SYT14: variants seen among roughly 807,000 people sequenced by gnomAD.
SYT14 encodes synaptotagmin-14.
Under a neutral mutation model 74.2 loss-of-function variants are expected in SYT14, and 32 were observed. The ratio of observed to expected loss-of-function variants is 0.43; its 90% CI spans 0.33 to 0.58. The LOEUF (loss-of-function observed/expected upper bound fraction) is 0.58. Among genes scored for constraint, SYT14 ranks in the 20% least tolerant of loss-of-function variants. The pLI, the probability that SYT14 is intolerant of heterozygous loss-of-function variation, is 0.05. For missense variants in SYT14, 791 were observed against 981.8 expected (o/e 0.81, Z 2.60); for synonymous variants, 298 against 337.7 (o/e 0.88, Z 1.29).
chr1:210,110,980 G>T (rs1261188552), intron 7 of SYT14, among the ~76,000 whole-genome samples: 1 of 152,170 alleles, frequency 6.6e-6, no homozygotes, highest in African/African-American at 2.4e-5. Context: ...CCGACTTCAG[G>T]TGATCTGCCT....
intron 7 of SYT14, among the ~76,000 whole-genome samples, chr1:210,113,664 G>A (rs1355935528): frequency 5.3e-5 from 8 of 150,926 alleles, no homozygotes; most frequent in Non-Finnish European, 7.4e-5. Context: ...GTGGATTAAG[G>A]TGGGGAGATA....
At chr1:210,145,718 T>C (rs1040555777) in intron 7 of SYT14, among the ~76,000 whole-genome samples, 2 of 152,138 alleles carry the variant, frequency 1.3e-5, no homozygotes, top group African/African-American at 4.8e-5. Flanking sequence ...TCCAGACCAG[T>C]TTACATTTAC....
At chr1:210,028,441 C>G (rs2080460349) in intron 5 of SYT14, among the ~76,000 whole-genome samples, 1 of 152,076 alleles carries the variant, frequency 6.6e-6, no homozygotes, top group Admixed American at 6.6e-5. Context: ...CCCCCTTCCC[C>G]CAACCCTGGC....
intron 2 of SYT14, among the ~76,000 whole-genome samples, chr1:209,976,403 G>A (rs1372217811): frequency 2.0e-5 from 3 of 151,262 alleles, no homozygotes; most frequent in Admixed American, 2.0e-4. Context: ...GGTATGTTGT[G>A]TCTTTGTTCT....
At chr1:210,169,775 G>A (rs1182377230) in exon 10 of SYT14, 3 of 151,880 alleles carry the variant, frequency 2.0e-5, no homozygotes, top group Non-Finnish European at 4.4e-5. Flanking sequence ...GAGTTTTAAG[G>A]GTCTTGATAA....
rs573609678 is a variant in SYT14 at position 210,115,297 on chromosome 1, T to C, written c.2034+14836T>C. Among the ~76,000 whole-genome samples the C allele has an allele frequency of 5.0e-4, 74 of 149,388 alleles. No homozygotes were observed. In the South Asian group the frequency reaches 0.016, roughly 32 times the overall value. ...AGGAGGAATGGAGGGTGGAAGGTTG[T>C]CTATAGTGAAGGATGCAAGCCCAGA... On this transcript the variant is annotated intron_variant, in intron 7 of 9. Transcript: ENST00000637265.
At chr1:209,985,374 C>G (rs1254779906) in intron 2 of SYT14, among the ~76,000 whole-genome samples, 1 of 152,262 alleles carries the variant, frequency 6.6e-6, no homozygotes, top group Non-Finnish European at 1.5e-5. Flanking sequence ...CCAAATCAGT[C>G]TCCTCTTTGA....
At chr1:209,992,566 ATTAC>A (rs1203744607) in intron 2 of SYT14, among the ~76,000 whole-genome samples, 4 of 152,180 alleles carry the variant, frequency 2.6e-5, no homozygotes, top group African/African-American at 9.7e-5. Flanking sequence ...GGGATGGGAA[ATTAC>A]TTAATGGGTA....
At chr1:210,138,249 A>G (rs2102660993) in intron 7 of SYT14, among the ~76,000 whole-genome samples, 1 of 152,340 alleles carries the variant, frequency 6.6e-6, no homozygotes, top group South Asian at 2.1e-4. Context: ...GCGACAGGCA[A>G]GAGAGCCTGT....
intron 3 of SYT14, chr1:210,015,579 A>G (rs2080165737): frequency 6.5e-6 from 1 of 153,484 alleles, no homozygotes; most frequent in African/African-American, 2.4e-5. Flanking sequence ...ATGTGAAATG[A>G]TACTGGGTAG....
chr1:209,947,745 T>G (rs2078845301), intron 1 of SYT14, among the ~76,000 whole-genome samples: 1 of 152,236 alleles, frequency 6.6e-6, no homozygotes, highest in African/African-American at 2.4e-5. Context: ...AAAGTTCTAC[T>G]GTGGGTAAAA....
chr1:210,126,204 GAA>G (rs200079122), intron 7 of SYT14, among the ~76,000 whole-genome samples: 1 of 144,374 alleles, frequency 6.9e-6, no homozygotes, highest in African/African-American at 2.5e-5. Flanking sequence ...TCCGTCTCAA[GAA>G]AAAAAAAAAC....
intron 7 of SYT14, among the ~76,000 whole-genome samples, chr1:210,111,989 T>TGAATACCAA (rs1444881242): frequency 1.3e-5 from 2 of 151,182 alleles, no homozygotes; most frequent in Non-Finnish European, 2.9e-5. Flanking sequence ...AAGGTTTCAC[T>TGAATACCAA]GAATACCAAG....
chr1:210,050,541 A>C (rs973048564), intron 5 of SYT14, among the ~76,000 whole-genome samples: 1 of 152,114 alleles, frequency 6.6e-6, no homozygotes, highest in Non-Finnish European at 1.5e-5. Flanking sequence ...CCCCACTCTA[A>C]CTGGTAGCAA....
At chr1:210,126,689 C>T (rs1404479052) in intron 7 of SYT14, among the ~76,000 whole-genome samples, 2 of 152,162 alleles carry the variant, frequency 1.3e-5, no homozygotes, top group Non-Finnish European at 2.9e-5. Flanking sequence ...ACTAAAAGTA[C>T]TCTTTTCATC....
intron 1 of SYT14, among the ~76,000 whole-genome samples, chr1:209,942,288 G>A (rs531908856): frequency 6.8e-6 from 1 of 147,264 alleles, no homozygotes; most frequent in Non-Finnish European, 1.5e-5. Context: ...AATCCAAAAT[G>A]TTAAGCTTAG....
intron 5 of SYT14, among the ~76,000 whole-genome samples, chr1:210,075,592 C>T (rs562174060): frequency 6.6e-6 from 1 of 152,256 alleles, no homozygotes; most frequent in African/African-American, 2.4e-5. Context: ...CTCGGCCTCC[C>T]AAAGTGCTGG....
intron 7 of SYT14, among the ~76,000 whole-genome samples, chr1:210,142,715 T>C (rs2102676067): frequency 6.6e-6 from 1 of 152,308 alleles, no homozygotes; most frequent in Non-Finnish European, 1.5e-5. Flanking sequence ...GATGACCTGA[T>C]TGAGCATAGG....
intron 2 of SYT14, among the ~76,000 whole-genome samples, chr1:210,010,575 T>G (rs954823513): frequency 2.0e-5 from 3 of 152,188 alleles, no homozygotes; most frequent in African/African-American, 4.8e-5. Flanking sequence ...AGGTAGTGCT[T>G]CTTTGTGCTC....
Sources: allele counts gnomAD v4.1 joint callset (sites outside exome capture counted in the v4.1 genomes callset), GRCh38; gene constraint gnomAD v4.1.1; transcripts MANE v1.5; gene names NCBI Gene and HGNC (gene_info 2026-07-23, HGNC 2026-07-21).